PCSK2: variants seen among roughly 807,000 people sequenced by gnomAD.
The protein encoded by PCSK2 is neuroendocrine convertase 2.
PCSK2 carries 14 observed loss-of-function variants against 69.7 expected under a neutral mutation model. The observed-to-expected ratio is 0.20, with a 90% CI of 0.13 to 0.31. The LOEUF is 0.31. PCSK2 is among the 10% of genes least tolerant of loss of function. The probability of loss-of-function intolerance (pLI) is 1.00; values close to 1 mark genes in which losing one functional copy is unlikely to be tolerated. For missense variants in PCSK2, 544 were observed against 842.5 expected, an observed-to-expected ratio of 0.65 and a Z score of 4.39; for synonymous variants, 307 against 320.7, an observed-to-expected ratio of 0.96 and a Z score of 0.46.
intron 1 of PCSK2, among the ~76,000 whole-genome samples, chr20:17,238,086 AG>A (rs2122946668): frequency 6.6e-6 from 1 of 152,328 alleles, no homozygotes; most frequent in African/African-American, 2.4e-5. Flanking sequence ...CCTATCCAAG[AG>A]GATCTGAGTG....
intron 5 of PCSK2, among the ~76,000 whole-genome samples, chr20:17,380,498 C>G (rs2123251871): frequency 6.6e-6 from 1 of 152,284 alleles, no homozygotes; most frequent in Admixed American, 6.5e-5. Flanking sequence ...TAACTATGTG[C>G]CCTAGGCAAG....
chr20:17,308,879 G>A (rs1989413704), intron 2 of PCSK2, among the ~76,000 whole-genome samples: 1 of 152,126 alleles, frequency 6.6e-6, no homozygotes, highest in Non-Finnish European at 1.5e-5. Context: ...GAGAGCAGAG[G>A]CTCCCAGGCT....
intron 2 of PCSK2, among the ~76,000 whole-genome samples, chr20:17,300,313 C>T (rs540264578): frequency 2.0e-5 from 3 of 152,294 alleles, no homozygotes; most frequent in South Asian, 2.1e-4. Context: ...CTGCTGTGGG[C>T]GCCTGTTACC....
At chr20:17,346,813 T>C (rs1990665445) in intron 2 of PCSK2, among the ~76,000 whole-genome samples, 1 of 152,114 alleles carries the variant, frequency 6.6e-6, no homozygotes, top group African/African-American at 2.4e-5. Context: ...CCCACCACCC[T>C]GGAAACAAGC....
chr20:17,312,708 A>G (rs1165702948), intron 2 of PCSK2, among the ~76,000 whole-genome samples: 1 of 151,794 alleles, frequency 6.6e-6, no homozygotes, highest in African/African-American at 2.4e-5. Flanking sequence ...CTTCTAGACT[A>G]TGAGAAGAGA....
chr20:17,317,999 C>G (rs1018635498), intron 2 of PCSK2, among the ~76,000 whole-genome samples: 1 of 152,178 alleles, frequency 6.6e-6, no homozygotes, highest in African/African-American at 2.4e-5. Flanking sequence ...CAGACAGTCT[C>G]TTAAAATGTA....
At chr20:17,429,753 T>G (rs1157346869) in intron 7 of PCSK2, among the ~76,000 whole-genome samples, 1 of 152,172 alleles carries the variant, frequency 6.6e-6, no homozygotes, top group African/African-American at 2.4e-5. Context: ...AATAAGCTAA[T>G]GACTTTTCCC....
chr20:17,262,655 C>G (rs1330261047), intron 2 of PCSK2, among the ~76,000 whole-genome samples: 1 of 152,042 alleles, frequency 6.6e-6, no homozygotes, highest in East Asian at 1.9e-4. Context: ...AAAGATTCTG[C>G]CTTGTGGGTT....
chr20:17,435,155 C>G (rs2032457874), intron 7 of PCSK2, among the ~76,000 whole-genome samples: 1 of 152,116 alleles, frequency 6.6e-6, no homozygotes, highest in African/African-American at 2.4e-5. Context: ...ATAAGCAGAG[C>G]CTGTTATTCA....
intron 1 of PCSK2, among the ~76,000 whole-genome samples, chr20:17,248,175 G>GGTGT (rs10640964): frequency 0.042 from 6,054 of 144,350 alleles, 152 homozygotes; most frequent in East Asian, 0.087. Flanking sequence ...TATAAAAAAG[G>GGTGT]GTGTGTGTGT....
At chr20:17,272,489 A>G (rs1355584987) in intron 2 of PCSK2, among the ~76,000 whole-genome samples, 2 of 152,072 alleles carry the variant, frequency 1.3e-5, no homozygotes, top group Non-Finnish European at 2.9e-5. Flanking sequence ...AAAAGGATTT[A>G]TTTTTTGAAT....
At chr20:17,412,423 G>C (rs753419356) in intron 6 of PCSK2, among the ~76,000 whole-genome samples, 11 of 152,132 alleles carry the variant, frequency 7.2e-5, no homozygotes, top group African/African-American at 1.2e-4. Flanking sequence ...GTGGAAGAAA[G>C]GGTAACAGTG....
chr20:17,265,048 G>C (rs1273360005), intron 2 of PCSK2, among the ~76,000 whole-genome samples: 1 of 152,126 alleles, frequency 6.6e-6, no homozygotes. Context: ...ATTTTTGGTA[G>C]AGATACGGTT....
At chr20:17,415,415 A>G (rs976604907) in intron 6 of PCSK2, among the ~76,000 whole-genome samples, 1 of 152,240 alleles carries the variant, frequency 6.6e-6, no homozygotes, top group African/African-American at 2.4e-5. Context: ...AAGTCAAATC[A>G]TAAGTGAACT....
intron 7 of PCSK2, among the ~76,000 whole-genome samples, chr20:17,433,688 G>C (rs988849409): frequency 1.3e-5 from 2 of 152,176 alleles, no homozygotes; most frequent in Non-Finnish European, 2.9e-5. Flanking sequence ...GGGTCAGATA[G>C]AAACACTTGA....
chr20:17,320,805 G>T (rs1288170513), intron 2 of PCSK2, among the ~76,000 whole-genome samples: 1 of 152,206 alleles, frequency 6.6e-6, no homozygotes, highest in Non-Finnish European at 1.5e-5. Flanking sequence ...GTTTCTAAAA[G>T]CAGCTTCAAG....
intron 1 of PCSK2, among the ~76,000 whole-genome samples, chr20:17,238,582 A>G (rs2122947842): frequency 6.6e-6 from 1 of 152,248 alleles, no homozygotes; most frequent in East Asian, 1.9e-4. Flanking sequence ...TAGACAATGC[A>G]TTATTGATAT....
intron 2 of PCSK2, among the ~76,000 whole-genome samples, chr20:17,269,228 G>A (rs1346077944): frequency 6.6e-6 from 1 of 152,146 alleles, no homozygotes; most frequent in Non-Finnish European, 1.5e-5. Flanking sequence ...TCTATTGTTA[G>A]TGTTCAATGC....
intron 5 of PCSK2, among the ~76,000 whole-genome samples, chr20:17,387,113 G>C (rs927600942): frequency 2.0e-5 from 3 of 152,152 alleles, no homozygotes; most frequent in Non-Finnish European, 2.9e-5. Flanking sequence ...TCTATATTTA[G>C]TTACTGTGAT....
Sources: gnomAD v4.1 joint callset for allele counts (sites outside exome capture counted in the v4.1 genomes callset) on GRCh38, gnomAD v4.1.1 for gene constraint, MANE v1.5 for transcripts, NCBI Gene and HGNC (gene_info 2026-07-23, HGNC 2026-07-21) for gene names.